CHMP2B: variants seen among roughly 807,000 people sequenced by gnomAD.
The protein encoded by CHMP2B is charged multivesicular body protein 2B, also known as VPS2 homolog B.
In CHMP2B, 22 loss-of-function variants were observed where a neutral mutation model predicts 29.8. The ratio of observed to expected loss-of-function variants is 0.74; its 90% CI spans 0.53 to 1.05. The LOEUF (loss-of-function observed/expected upper bound fraction) is 1.05, where lower values mean the gene tolerates loss of function less well. CHMP2B is among the 50% of genes least tolerant of loss of function. CHMP2B has a pLI of 0.00. For missense variants in CHMP2B, 261 were observed against 252.2 expected (o/e 1.03, Z -0.24); for synonymous variants, 78 against 75.8 (o/e 1.03, Z -0.15).
At chr3:87,230,986 C>G (rs1343971159) in intron 1 of CHMP2B, among the ~76,000 whole-genome samples, 2 of 152,014 alleles carry the variant, frequency 1.3e-5, no homozygotes, top group African/African-American at 4.8e-5. Context: ...TTTCTTTCTC[C>G]TTTCTGTATT....
intron 2 of CHMP2B, among the ~76,000 whole-genome samples, chr3:87,241,211 A>G (rs1706113013): frequency 1.3e-5 from 2 of 152,212 alleles, no homozygotes; most frequent in Non-Finnish European, 2.9e-5. Flanking sequence ...GTACTTTTAT[A>G]ATAGACTGGT....
At chr3:87,231,875 C>T (rs116798596) in intron 1 of CHMP2B, among the ~76,000 whole-genome samples, 233 of 152,192 alleles carry the variant, frequency 1.5e-3, no homozygotes, top group African/African-American at 4.3e-3. Flanking sequence ...GCATTTCTTT[C>T]TGACTTGGAT....
intron 3 of CHMP2B, among the ~76,000 whole-genome samples, chr3:87,249,476 T>C (rs1356374913): frequency 6.6e-6 from 1 of 152,082 alleles, no homozygotes; most frequent in Non-Finnish European, 1.5e-5. Context: ...TCTTCTAATC[T>C]TTTTTAATTT....
At chr3:87,233,208 G>C (rs995894465) in intron 1 of CHMP2B, among the ~76,000 whole-genome samples, 1 of 151,952 alleles carries the variant, frequency 6.6e-6, no homozygotes, top group African/African-American at 2.4e-5. Flanking sequence ...TCTTTTTACC[G>C]TGTATTAGAA....
chr3:87,235,074 G>A (rs563745988), intron 1 of CHMP2B, among the ~76,000 whole-genome samples: 41 of 152,270 alleles, frequency 2.7e-4, no homozygotes, highest in African/African-American at 9.6e-4. Flanking sequence ...TAGTAAGTAT[G>A]ATATATTGGT....
chr3:87,250,075 T>G (rs1706287521), intron 4 of CHMP2B, 98 bp downstream of exon 4: 1 of 721,798 alleles, frequency 1.4e-6, no homozygotes, highest in Non-Finnish European at 2.3e-6. Context: ...AAGGCAGAAA[T>G]GATGAAACCA....
rs762547677 is a variant in CHMP2B at position 87,240,756 on chromosome 3, A to C, written c.92A>C (p.Asp31Ala). ...GGTACACAGAGGGCTATAATCAGAG[A>C]TCGAGCAGCTTTAGAGAAACAAGAA... ...LRGTQRAIIR[D>A]RAALEKQEKQ... The change falls in exon 2 of 6, where the codon GAT (aspartate) becomes GCT (alanine). Residue 31 changes from aspartate to alanine, a missense_variant. Physicochemically the swap from Asp to Ala is moderately radical, Grantham distance 126. Transcript: ENST00000263780. The C allele has an allele frequency of 6.2e-7, 1 of 1,613,732 alleles. No homozygotes were observed. Among genetic ancestry groups the C allele is most frequent in the South Asian group, 1.1e-5 (1 of 91,080 alleles).
In CHMP2B at chr3:87,238,754, T is replaced by G. The variant is rs190044824; in HGVS notation, c.35-1945T>G. Among the ~76,000 whole-genome samples, 398 of 152,294 alleles carry G rather than the reference T, an allele frequency of 2.6e-3. 9 individuals carry two copies. Among genetic ancestry groups the G allele is most frequent in the Admixed American group, 0.023 (345 of 15,304 alleles). On this transcript the variant is annotated intron_variant, in intron 1 of 5. Coordinates refer to ENST00000263780, the MANE Select transcript of CHMP2B (RefSeq NM_014043.4). ...CTTTTGGCTAATGTTACTAATGCTG[T>G]GAACATTCATGTAGAAGTATTTGTT... is the stretch of plus-strand genomic sequence containing the variant.
At chr3:87,243,067 A>T (rs1706149453) in intron 2 of CHMP2B, among the ~76,000 whole-genome samples, 1 of 152,190 alleles carries the variant, frequency 6.6e-6, no homozygotes, top group African/African-American at 2.4e-5. Flanking sequence ...AACAGAAGAC[A>T]TATTAACATT....
In CHMP2B at chr3:87,227,358, G is replaced by A. The variant is rs1705826124; in HGVS notation, c.-165G>A. The A allele has an allele frequency of 1.6e-5, 11 of 703,450 alleles. No individual in the cohort carries two copies. The highest frequency in any genetic ancestry group is 9.5e-5 in the South Asian group (6 of 62,962). 43.6% of individuals were successfully genotyped at this position (703,450 alleles called of 1,614,324 possible). On this transcript the variant is annotated 5_prime_UTR_variant, in exon 1 of 6. Coordinates refer to ENST00000263780, the MANE Select transcript of CHMP2B (RefSeq NM_014043.4). The stretch of plus-strand genomic sequence containing the variant: ...CGGGTGACGCGGCTGCGGTAGCTGC[G>A]GATACAAGCCTTCCGCGGGTCCTGC...
At chr3:87,250,032 A>T in intron 4 of CHMP2B, 55 bp downstream of exon 4, 2 of 1,058,140 alleles carry the variant, frequency 1.9e-6, no homozygotes, top group South Asian at 2.8e-5. Context: ...TGAATTAGCC[A>T]TTTATTTACT....
intron 2 of CHMP2B, among the ~76,000 whole-genome samples, chr3:87,241,611 T>C (rs542601822): frequency 2.0e-5 from 3 of 152,298 alleles, no homozygotes; most frequent in African/African-American, 7.2e-5. Context: ...ATTTTTAGGT[T>C]AATTAGTGCT....
At chr3:87,237,051 C>G (rs1326957277) in intron 1 of CHMP2B, among the ~76,000 whole-genome samples, 5 of 152,116 alleles carry the variant, frequency 3.3e-5, no homozygotes, top group African/African-American at 4.8e-5. Flanking sequence ...AGTCCATTGG[C>G]TTTGACAAAA....
chr3:87,232,508 C>T (rs1334813529), intron 1 of CHMP2B, among the ~76,000 whole-genome samples: 1 of 152,060 alleles, frequency 6.6e-6, no homozygotes, highest in Non-Finnish European at 1.5e-5. Context: ...TCTTGACATA[C>T]CAAAGAAAAA....
At chr3:87,239,603 G>A (rs1256161204) in intron 1 of CHMP2B, among the ~76,000 whole-genome samples, 1 of 152,108 alleles carries the variant, frequency 6.6e-6, no homozygotes, top group Non-Finnish European at 1.5e-5. Context: ...GAGACAGAAT[G>A]GTTGGATCCA....
Position 87,250,018 on chromosome 3 carries a change from T to C in CHMP2B, c.424+41T>C, listed in dbSNP as rs1025023951. ...TATAATGAAATTTATAGTTTTCTCA[T>C]CTTTGAATTAGCCATTTATTTACTA... On this transcript the variant is annotated intron_variant, in intron 4 of 5. Coordinates refer to ENST00000263780, the MANE Select transcript of CHMP2B (RefSeq NM_014043.4). 3.3e-6 allele frequency: 4 copies of C among 1,214,642 alleles called. No homozygotes were observed. In the Admixed American group the frequency reaches 7.1e-5, roughly 22 times the overall value. 75.2% of individuals were successfully genotyped at this position (1,214,642 alleles called of 1,614,324 possible). A position where few individuals can be genotyped will look rare whatever the true frequency, so the allele number is the denominator to read the frequency against.
chr3:87,233,177 T>C (rs776820226), intron 1 of CHMP2B, among the ~76,000 whole-genome samples: 8 of 152,128 alleles, frequency 5.3e-5, no homozygotes, highest in Non-Finnish European at 1.2e-4. Context: ...TCTTTTTGTT[T>C]TCTATAGTTG....
At chr3:87,246,224 G>A (rs538389200) in intron 3 of CHMP2B, among the ~76,000 whole-genome samples, 3 of 151,644 alleles carry the variant, frequency 2.0e-5, no homozygotes, top group East Asian at 3.9e-4. Flanking sequence ...TGCATCCTCC[G>A]CCTCCTGGAT....
intron 1 of CHMP2B, among the ~76,000 whole-genome samples, chr3:87,234,095 T>C (rs1705956373): frequency 2.0e-5 from 3 of 152,138 alleles, no homozygotes; most frequent in Non-Finnish European, 2.9e-5. Flanking sequence ...ATAGTATTAC[T>C]CACAAATTAA....
Sources: allele counts gnomAD v4.1 joint callset (sites outside exome capture counted in the v4.1 genomes callset), GRCh38; gene constraint gnomAD v4.1.1; transcripts MANE v1.5; gene names NCBI Gene and HGNC (gene_info 2026-07-23, HGNC 2026-07-21).